CBR4: variants seen among roughly 807,000 people sequenced by gnomAD.
The protein encoded by CBR4 is carbonyl reductase 4, also known as 3-oxoacyl-[acyl-carrier-protein] reductase.
CBR4 carries 22 observed loss-of-function variants against 21.0 expected under a neutral mutation model. That is an observed-to-expected ratio of 1.05 (90% CI 0.75 to 1.50). The LOEUF is 1.50. CBR4 is among the 40% of genes most tolerant of loss of function. The pLI is 0.00. For synonymous variants in CBR4, 100 were observed against 104.4 expected (o/e 0.96, Z 0.26); for missense variants, 302 against 286.3 (o/e 1.05, Z -0.40).
At chr4:168,935,548 C>T (rs539699761) in intron 2 of CBR4, among the ~76,000 whole-genome samples, 26 of 152,278 alleles carry the variant, frequency 1.7e-4, no homozygotes, top group East Asian at 3.9e-4. Flanking sequence ...ATTCTGAAGT[C>T]GACCTGGGAC....
rs547687970 is a variant in CBR4, at chr4:168,906,971, C to T, written n.170-12206G>A. 9.9e-5 allele frequency among the ~76,000 whole-genome samples: 15 copies of T among 152,254 alleles called. No homozygotes were observed. The South Asian group carries it at 1.7e-3, about 17-fold the overall frequency. ...ATACTGAAAAAACCTAGGATGAGGC[C>T]GGCAGGCCATGCAGTACAGGGGTTA... On this transcript the variant is annotated intron_variant and non_coding_transcript_variant, in intron 2 of 3. Transcript: ENST00000509108.
At chr4:168,895,300 T>A (rs1241691387) in intron 2 of CBR4, among the ~76,000 whole-genome samples, 1 of 152,166 alleles carries the variant, frequency 6.6e-6, no homozygotes, top group African/African-American at 2.4e-5. Context: ...GAGAATTGCT[T>A]GAACCCGGGA....
intron 2 of CBR4, among the ~76,000 whole-genome samples, chr4:168,942,220 C>T (rs1763283121): frequency 6.6e-6 from 1 of 151,716 alleles, no homozygotes; most frequent in South Asian, 2.1e-4. Flanking sequence ...ACATCACAAA[C>T]CAGGGCCTGT....
At chr4:168,895,788 A>G (rs1278815923) in intron 2 of CBR4, among the ~76,000 whole-genome samples, 1 of 152,258 alleles carries the variant, frequency 6.6e-6, no homozygotes, top group Non-Finnish European at 1.5e-5. Context: ...TAGTCTTAAT[A>G]TCTAGTCAAA....
At chr4:168,979,768 C>T (rs1376883677) in intron 2 of CBR4, among the ~76,000 whole-genome samples, 1 of 152,176 alleles carries the variant, frequency 6.6e-6, no homozygotes. Flanking sequence ...TATTCCCATT[C>T]GCAGTGGCTC....
intron 2 of CBR4, among the ~76,000 whole-genome samples, chr4:168,953,088 C>T (rs1763587824): frequency 1.3e-5 from 2 of 152,130 alleles, no homozygotes; most frequent in African/African-American, 4.8e-5. Flanking sequence ...GCAGGTCTTG[C>T]TGCAGCTGCT....
intron 2 of CBR4, among the ~76,000 whole-genome samples, chr4:168,906,154 G>T (rs1053702763): frequency 1.3e-4 from 20 of 152,088 alleles, no homozygotes; most frequent in African/African-American, 4.8e-4. Context: ...CCCTAGAAAG[G>T]CTGGGGTATA....
intron 2 of CBR4, among the ~76,000 whole-genome samples, chr4:168,978,836 C>A (rs955418335): frequency 6.6e-6 from 1 of 152,180 alleles, no homozygotes; most frequent in Admixed American, 6.5e-5. Context: ...CCAACTACAC[C>A]TCCCTAGGCA....
At chr4:168,925,581 C>T (rs932863178) in intron 2 of CBR4, among the ~76,000 whole-genome samples, 3 of 152,014 alleles carry the variant, frequency 2.0e-5, no homozygotes, top group Non-Finnish European at 4.4e-5. Context: ...CAGCAGTAGA[C>T]TTGTGTTTGT....
chr4:168,919,247 A>C (rs1355130481), intron 2 of CBR4, among the ~76,000 whole-genome samples: 1 of 152,170 alleles, frequency 6.6e-6, no homozygotes, highest in East Asian at 1.9e-4. Flanking sequence ...AAAATCGGCC[A>C]GGCACGTGGG....
chr4:168,942,176 C>G (rs1039820224), intron 2 of CBR4, among the ~76,000 whole-genome samples: 1 of 151,088 alleles, frequency 6.6e-6, no homozygotes, highest in Non-Finnish European at 1.5e-5. Flanking sequence ...AAATGGGAGT[C>G]GAACAATAAG....
chr4:168,983,476 C>T (rs1320386321), downstream of CBR4, among the ~76,000 whole-genome samples: 6 of 151,932 alleles, frequency 3.9e-5, no homozygotes, highest in African/African-American at 4.8e-5. Flanking sequence ...CTGAATTCTA[C>T]GAGATGTAAA....
intron 4 of CBR4, among the ~76,000 whole-genome samples, chr4:168,996,179 T>G (rs1390950244): frequency 6.6e-6 from 1 of 152,142 alleles, no homozygotes; most frequent in Non-Finnish European, 1.5e-5. Flanking sequence ...GCACTAAAAG[T>G]AAAGTGGGTG....
intron 2 of CBR4, chr4:168,903,867 T>G: frequency 6.2e-7 from 1 of 1,613,956 alleles, no homozygotes; most frequent in South Asian, 1.1e-5. Flanking sequence ...CCACCCTAGA[T>G]GATGATGGGA....
At chr4:168,957,108 T>C (rs1763710708) in intron 2 of CBR4, among the ~76,000 whole-genome samples, 1 of 152,168 alleles carries the variant, frequency 6.6e-6, no homozygotes, top group South Asian at 2.1e-4. Context: ...GAGGCATAGA[T>C]TTCCATCACT....
At chr4:168,973,147 C>T (rs1246493215) in intron 2 of CBR4, among the ~76,000 whole-genome samples, 1 of 152,082 alleles carries the variant, frequency 6.6e-6, no homozygotes, top group Non-Finnish European at 1.5e-5. Flanking sequence ...GTGCATTATC[C>T]TTAATATATT....
chr4:168,925,999 T>C (rs1762514276), intron 2 of CBR4, among the ~76,000 whole-genome samples: 1 of 152,148 alleles, frequency 6.6e-6, no homozygotes, highest in African/African-American at 2.4e-5. Context: ...TTGACCTTTG[T>C]AATCTAGCTG....
chr4:168,931,712 C>T (rs1391173661), intron 2 of CBR4, among the ~76,000 whole-genome samples: 1 of 152,156 alleles, frequency 6.6e-6, no homozygotes, highest in Non-Finnish European at 1.5e-5. Flanking sequence ...TGGTTGACAC[C>T]GTTCACACAC....
At chr4:168,898,737 T>C in intron 2 of CBR4, 1 of 1,483,430 alleles carries the variant, frequency 6.7e-7, no homozygotes, top group African/African-American at 1.4e-5. Flanking sequence ...ATGGAGGCTT[T>C]TTAAGAGTCA....
Sources: gnomAD v4.1 joint callset for allele counts (sites outside exome capture counted in the v4.1 genomes callset) on GRCh38, gnomAD v4.1.1 for gene constraint, MANE v1.5 for transcripts, NCBI Gene and HGNC (gene_info 2026-07-23, HGNC 2026-07-21) for gene names.